The following PDE2A variants were observed in gnomAD, a reference collection of about 807,000 sequenced individuals.
The protein encoded by PDE2A is cGMP-dependent 3',5'-cyclic phosphodiesterase.
A neutral mutation model predicts 133.6 loss-of-function variants in PDE2A; 53 were observed. The observed-to-expected ratio is 0.40, with a 90% CI of 0.32 to 0.50. PDE2A has a LOEUF of 0.50. Among genes scored for constraint, PDE2A ranks in the 20% least tolerant of loss-of-function variants. PDE2A has a pLI of 0.73. For missense variants in PDE2A, 796 were observed against 1,232.4 expected, an observed-to-expected ratio of 0.65 and a Z score of 5.30; for synonymous variants, 491 against 490.2, an observed-to-expected ratio of 1.00 and a Z score of -0.02.
intron 4 of PDE2A, among the ~76,000 whole-genome samples, chr11:72,598,059 A>G (rs1255533155): frequency 6.6e-6 from 1 of 152,228 alleles, no homozygotes; most frequent in Non-Finnish European, 1.5e-5. Context: ...TTTAGTGCTA[A>G]GCACAGGAGG....
rs373721118 is a variant in PDE2A at position 72,577,599 on chromosome 11, G to A, written c.2616-5C>T. The A allele has an allele frequency of 6.5e-6, 10 of 1,539,070 alleles. No homozygotes were observed. Among genetic ancestry groups the A allele is most frequent in the South Asian group, 3.4e-5 (3 of 89,118 alleles). ...GGGAACAGGTCCTGCAACAGCCTGCGGGTGCATGGGGGGCAGAGGGCGAGA... is the reference window on the plus strand; with the variant it reads ...GGGAACAGGTCCTGCAACAGCCTGCAGGTGCATGGGGGGCAGAGGGCGAGA... On this transcript the variant is annotated splice_polypyrimidine_tract_variant and splice_region_variant and intron_variant, in intron 30 of 30. Transcript: ENST00000334456.
chr11:72,638,883 T>A (rs543176442), intron 2 of PDE2A, among the ~76,000 whole-genome samples: 49 of 152,316 alleles, frequency 3.2e-4, no homozygotes, highest in Non-Finnish European at 5.9e-4. Context: ...GCCTGGGGAA[T>A]GGCCAGCAAG....
At chr11:72,642,968 G>T (rs1859023578) in intron 1 of PDE2A, 1 of 154,506 alleles carries the variant, frequency 6.5e-6, no homozygotes, top group Admixed American at 6.5e-5. Flanking sequence ...GCCCATCTGC[G>T]AGGGAGACAC....
intron 2 of PDE2A, among the ~76,000 whole-genome samples, chr11:72,614,351 C>A (rs115243821): frequency 6.6e-6 from 1 of 152,164 alleles, no homozygotes; most frequent in Non-Finnish European, 1.5e-5. Flanking sequence ...GAGGCTTAGT[C>A]TGAAGGAGGA....
intron 2 of PDE2A, among the ~76,000 whole-genome samples, chr11:72,614,001 C>T (rs1335401538): frequency 6.6e-6 from 1 of 152,256 alleles, no homozygotes; most frequent in African/African-American, 2.4e-5. Flanking sequence ...AGGAGGCATC[C>T]TGTAGGCTCA....
intron 13 of PDE2A, among the ~76,000 whole-genome samples, chr11:72,586,853 T>G (rs1441914447): frequency 6.6e-6 from 1 of 152,224 alleles, no homozygotes; most frequent in Non-Finnish European, 1.5e-5. Flanking sequence ...ACTTTTTGGC[T>G]GGCCTTGGTG....
chr11:72,621,827 C>T (rs764113923), intron 2 of PDE2A: 4 of 152,050 alleles, frequency 2.6e-5, no homozygotes, highest in Non-Finnish European at 5.9e-5. Flanking sequence ...GGAAAGCTCC[C>T]CCCACCAAAA....
Position 72,577,308 on chromosome 11 carries a change from T to C in PDE2A, c.*76A>G. 1 of 1,160,116 alleles carries C rather than the reference T, an allele frequency of 8.6e-7. No homozygotes were observed. The highest frequency in any genetic ancestry group is 1.8e-5 in the Admixed American group (1 of 54,256). The allele number at this position is 1,160,116 out of a possible 1,614,324, so 71.9% of individuals were successfully genotyped here. On this transcript the variant is annotated 3_prime_UTR_variant, in exon 31 of 31. Coordinates refer to ENST00000334456, the MANE Select transcript of PDE2A (RefSeq NM_002599.5). The stretch of plus-strand genomic sequence containing the variant: ...GTCTAGGACCCAGGACCCGTGGCTC[T>C]GTTCCCAGTGCATCTGGCCAGACCA...
Position 72,583,493 on chromosome 11 carries a change from T to G in PDE2A, c.1673A>C (p.Asn558Thr). 6.2e-7 allele frequency: 1 copy of G among 1,611,980 alleles called. No homozygotes were observed. The highest frequency in any genetic ancestry group is 8.5e-7 in the Non-Finnish European group (1 of 1,178,088). The part of the protein sequence containing the change: ...IAHSLLYKKV[N>T]EAQYRSHLAN... ...CAGGTGGCTGCGATACTGAGCCTCA[T>G]TCACTTTTTTGTATAGGAGAGACTA... Residue 558 changes from asparagine to threonine, a missense_variant, in exon 20 of 31, where the codon AAT (asparagine) becomes ACT (threonine). Around this residue, in one of 7 missense-constraint regions of PDE2A, gnomAD observed 218 missense variants for 465.9 expected, o/e 0.47. Coordinates refer to ENST00000334456, the MANE Select transcript of PDE2A (RefSeq NM_002599.5).
At chr11:72,601,091 T>C (rs956777049) in intron 4 of PDE2A, among the ~76,000 whole-genome samples, 2 of 141,018 alleles carry the variant, frequency 1.4e-5, no homozygotes, top group African/African-American at 5.4e-5. Context: ...GCCAAGCCTG[T>C]TGCTGAGCCC....
chr11:72,658,061 C>A (rs1854947675), intron 1 of PDE2A: 1 of 456,104 alleles, frequency 2.2e-6, no homozygotes, highest in Admixed American at 2.3e-5. Context: ...CTCATTTAAT[C>A]CTCCCAGAAA....
chr11:72,632,121 GA>G, intron 2 of PDE2A, among the ~76,000 whole-genome samples: 1 of 152,268 alleles, frequency 6.6e-6, no homozygotes, highest in African/African-American at 2.4e-5. Context: ...GAGCTGGGGG[GA>G]GGGCACAGTC....
intron 6 of PDE2A, among the ~76,000 whole-genome samples, chr11:72,592,301 G>A (rs558808423): frequency 2.6e-5 from 4 of 152,302 alleles, no homozygotes; most frequent in Non-Finnish European, 4.4e-5. Context: ...TCCCCACAGC[G>A]CCTGCACTGG....
At chr11:72,607,768 G>T in intron 3 of PDE2A, among the ~76,000 whole-genome samples, 1 of 152,154 alleles carries the variant, frequency 6.6e-6, no homozygotes, top group East Asian at 1.9e-4. Flanking sequence ...ATTTCCTGGA[G>T]CAGAGGCTGC....
chr11:72,598,651 C>T lies in PDE2A; in HGVS notation c.324-1032G>A, dbSNP rs1049499529. On this transcript the variant is annotated intron_variant, in intron 4 of 30. Coordinates refer to ENST00000334456, the MANE Select transcript of PDE2A (RefSeq NM_002599.5). ...TTGGGGAACTGTGTGCATACAGGGT[C>T]ACTAAGGGAAGCCCAGCAAAGGTCA... The T allele has an allele frequency of 9.3e-6, 12 of 1,288,688 alleles. No homozygotes were observed. The African/African-American group carries it at 1.2e-4, about 13-fold the overall frequency. The allele number at this position is 1,288,688 out of a possible 1,614,324, so 79.8% of individuals were successfully genotyped here. A position where few individuals can be genotyped will look rare whatever the true frequency, so the allele number is the denominator to read the frequency against.
chr11:72,582,648 G>GTGAC, intron 20 of PDE2A, 82 bp from the exon 21 acceptor site: 1 of 1,395,356 alleles, frequency 7.2e-7, no homozygotes, highest in Non-Finnish European at 9.8e-7. Context: ...TGGCAGGTGG[G>GTGAC]GGATCCGTCA....
chr11:72,631,263 C>T (rs1387800637), intron 2 of PDE2A: 1 of 678,142 alleles, frequency 1.5e-6, no homozygotes, highest in African/African-American at 1.8e-5. Flanking sequence ...GCCTTGCCTG[C>T]TTGCACCCTG....
intron 2 of PDE2A, among the ~76,000 whole-genome samples, chr11:72,619,865 A>G (rs1014718458): frequency 6.6e-6 from 1 of 152,254 alleles, no homozygotes; most frequent in Non-Finnish European, 1.5e-5. Context: ...TCCTGGGCTC[A>G]GTTCCTCATC....
At chr11:72,580,003 G>A (rs1000905977) in intron 25 of PDE2A, 1 of 213,332 alleles carries the variant, frequency 4.7e-6, no homozygotes, top group East Asian at 1.1e-4. Flanking sequence ...GATGCTGAAG[G>A]GCTGTCACTC....
Sources: allele counts gnomAD v4.1 joint callset (sites outside exome capture counted in the v4.1 genomes callset), GRCh38; gene constraint gnomAD v4.1.1; regional missense constraint gnomAD v4.1.1; transcripts MANE v1.5; gene names NCBI Gene and HGNC (gene_info 2026-07-23, HGNC 2026-07-21).